SHANK2: variants seen among roughly 807,000 people sequenced by gnomAD.
The protein encoded by SHANK2 is SH3 and multiple ankyrin repeat domains protein 2.
SHANK2 carries 43 observed loss-of-function variants against 133.7 expected under a neutral mutation model. That is an observed-to-expected ratio of 0.32 (90% CI 0.25 to 0.41). The LOEUF is 0.41. Ranked by LOEUF, SHANK2 falls within the 10% of genes least tolerant of loss-of-function variation. The pLI, the probability that SHANK2 is intolerant of heterozygous loss-of-function variation, is 1.00. For missense variants in SHANK2, 1,994 were observed against 2,235.8 expected, an observed-to-expected ratio of 0.89 and a Z score of 2.18; for synonymous variants, 1,017 against 952.8, an observed-to-expected ratio of 1.07 and a Z score of -1.24.
At chr11:71,146,159 TTA>T (rs1952639205) in intron 3 of SHANK2, among the ~76,000 whole-genome samples, 1 of 152,186 alleles carries the variant, frequency 6.6e-6, no homozygotes, top group Non-Finnish European at 1.5e-5. Flanking sequence ...TTTGCAACCA[TTA>T]TGTCTGCTCC....
chr11:70,487,393 T>C lies in SHANK2; in HGVS notation c.2900A>G (p.Tyr967Cys), dbSNP rs62622853. 37,055 of 1,614,110 alleles carry C rather than the reference T, an allele frequency of 0.023. 481 individuals carry two copies. Among genetic ancestry groups the C allele is most frequent in the Non-Finnish European group, 0.027 (32,003 of 1,180,016 alleles). ...DRYSLDSEDLYSRNAGPQANF... is the reference protein window; with the variant it reads ...DRYSLDSEDLCSRNAGPQANF... The stretch of plus-strand genomic sequence containing the variant: ...GGCTTGCGGGCCGGCATTCCGACTG[T>C]AGAGGTCTTCAGAGTCCAAGGAGTA... The change falls in exon 25 of 26, where the codon TAC becomes TGC. Residue 967 changes from tyrosine to cysteine, a missense_variant. Transcript: ENST00000601538. This position sits in a 1 kb window ranked among gnomAD's most constrained non-coding sequence, Gnocchi z 5.8.
chr11:70,496,495 T>C (rs150000832), intron 21 of SHANK2, among the ~76,000 whole-genome samples: 3 of 152,280 alleles, frequency 2.0e-5, no homozygotes, highest in East Asian at 1.9e-4. Context: ...ATACACCTCA[T>C]GTAACTGTGT....
chr11:70,661,500 T>TACACACACACACAC (rs3837380), intron 16 of SHANK2, 96 bp downstream of exon 16: 6 of 1,063,878 alleles, frequency 5.6e-6, no homozygotes, highest in African/African-American at 5.5e-5. Context: ...TGCAGGCGTA[T>TACACACACACACAC]ACACACACAC....
rs1249130992 is a variant in SHANK2 at position 70,569,777 on chromosome 11, G to A, written c.2062-66846C>T. On this transcript the variant is annotated intron_variant, in intron 17 of 25. Transcript: ENST00000601538. This position sits in a 1 kb window ranked among gnomAD's most constrained non-coding sequence, Gnocchi z 5.1. ...GGAAGATGCTCTCCTGTCCCTGGGG[G>A]GCTGTGATGCTGGCAGATGTGTGAG... Among the ~76,000 whole-genome samples the A allele has an allele frequency of 2.0e-5, 3 of 152,136 alleles. No homozygotes were observed. Among genetic ancestry groups the A allele is most frequent in the Admixed American group, 2.0e-4 (3 of 15,282 alleles).
chr11:70,692,352 A>C (rs934497629), intron 15 of SHANK2, among the ~76,000 whole-genome samples: 1 of 152,206 alleles, frequency 6.6e-6, no homozygotes, highest in Non-Finnish European at 1.5e-5. Flanking sequence ...AGTACTAAAC[A>C]TATTTTCTCA....
chr11:70,731,850 A>C (rs186824939), intron 14 of SHANK2, among the ~76,000 whole-genome samples: 89 of 152,304 alleles, frequency 5.8e-4, no homozygotes, highest in African/African-American at 2.1e-3. Flanking sequence ...GGAACGGCTG[A>C]TGAGCAGCCC....
intron 2 of SHANK2, among the ~76,000 whole-genome samples, chr11:71,215,484 C>T (rs1954390956): frequency 6.6e-6 from 1 of 152,304 alleles, no homozygotes; most frequent in East Asian, 1.9e-4. Flanking sequence ...GATGGTGCCT[C>T]CTGCCAAGAC....
At chr11:71,071,424 C>T (rs1433538777) in intron 9 of SHANK2, among the ~76,000 whole-genome samples, 5 of 152,328 alleles carry the variant, frequency 3.3e-5, no homozygotes, top group Admixed American at 6.5e-5. Context: ...TGAAAGATGG[C>T]GGCTTATGCC....
At chr11:70,943,108 C>T in intron 10 of SHANK2, 1 of 456,562 alleles carries the variant, frequency 2.2e-6, no homozygotes, top group Non-Finnish European at 4.4e-6. Context: ...AGGAGTTCAC[C>T]TGGCAAAGGT....
At chr11:70,948,784 G>A (rs768845734) in intron 10 of SHANK2, among the ~76,000 whole-genome samples, 2 of 152,150 alleles carry the variant, frequency 1.3e-5, no homozygotes, top group Non-Finnish European at 2.9e-5. Flanking sequence ...GTGTGGCCAC[G>A]TTTCCTAATT....
At chr11:70,918,968 A>G (rs187078589) in intron 10 of SHANK2, among the ~76,000 whole-genome samples, 2 of 152,238 alleles carry the variant, frequency 1.3e-5, no homozygotes, top group African/African-American at 4.8e-5. Flanking sequence ...GTTTGAGACC[A>G]GGCTGGACAG....
chr11:70,770,523 G>A (rs994213880), intron 14 of SHANK2, among the ~76,000 whole-genome samples: 27 of 152,232 alleles, frequency 1.8e-4, no homozygotes, highest in African/African-American at 6.0e-4. Context: ...ATGAGCCGGG[G>A]TCACCATGTG....
At position 70,946,640 on chromosome 11, in the gene SHANK2, C is replaced by T. The variant is rs117012067; in HGVS notation, c.1108-50073G>A. On this transcript the variant is annotated intron_variant, in intron 10 of 25. Transcript: ENST00000601538. The stretch of plus-strand genomic sequence containing the variant: ...ACCCTTCCCCAGGCTCACCCTCCCT[C>T]TCTGCTAACCAACTCTTCCCCAGGG... Among the ~76,000 whole-genome samples the T allele has an allele frequency of 1.2e-4, 18 of 148,830 alleles. No homozygotes were observed. The East Asian group carries it at 3.8e-3, about 31-fold the overall frequency.
At position 70,473,072 on chromosome 11, in the gene SHANK2, C is replaced by T. The variant is rs1555149038; in HGVS notation, c.5347G>A (p.Val1783Ile). 1.2e-6 allele frequency: 2 copies of T among 1,614,094 alleles called. No individual in the cohort carries two copies. The highest frequency in any genetic ancestry group is 2.2e-5 in the East Asian group (1 of 44,894). Residue 1783 changes from valine to isoleucine, a missense_variant, in exon 26 of 26, where the codon GTC (valine) becomes ATC (isoleucine). Physicochemically the swap from Val to Ile is conservative, Grantham distance 29 (BLOSUM62 3). Transcript: ENST00000601538. The surrounding 1 kb of genome is among the most constrained non-coding windows in gnomAD (Gnocchi z 5.9). ...ACATCTGGTTTAGTCCACAGGTGGACAGGTTTAGTTGTAAAAGGCTTATTT... is the reference window on the plus strand; with the variant it reads ...ACATCTGGTTTAGTCCACAGGTGGATAGGTTTAGTTGTAAAAGGCTTATTT... ...ISNKPFTTKP[V>I]HLWTKPDVAD...
At chr11:70,644,549 C>T (rs964118804) in intron 17 of SHANK2, among the ~76,000 whole-genome samples, 18 of 152,348 alleles carry the variant, frequency 1.2e-4, no homozygotes, top group African/African-American at 2.4e-4. Context: ...AGGGGGCCCC[C>T]GGCCAAGGGC....
chr11:71,143,716 T>A (rs1375783621), intron 3 of SHANK2, among the ~76,000 whole-genome samples: 1 of 152,164 alleles, frequency 6.6e-6, no homozygotes, highest in African/African-American at 2.4e-5. Context: ...GGCTGTGAGT[T>A]CCATGTTAAC....
intron 2 of SHANK2, among the ~76,000 whole-genome samples, chr11:71,179,181 A>G (rs1023141379): frequency 6.6e-6 from 1 of 152,216 alleles, no homozygotes; most frequent in Admixed American, 6.5e-5. Flanking sequence ...AAAAGTCAAA[A>G]TAAAACAACA....
chr11:70,862,477 G>T (rs1329725045), intron 11 of SHANK2, among the ~76,000 whole-genome samples: 1 of 152,210 alleles, frequency 6.6e-6, no homozygotes, highest in African/African-American at 2.4e-5. Context: ...TTGGAGCCTG[G>T]ACTGGACTGG....
At chr11:70,745,085 T>TC (rs1555035689) in intron 14 of SHANK2, among the ~76,000 whole-genome samples, 1 of 152,164 alleles carries the variant, frequency 6.6e-6, no homozygotes, top group Non-Finnish European at 1.5e-5. Context: ...CAGGACCTCC[T>TC]CATCAAGGAT....
Sources: allele counts gnomAD v4.1 joint callset (sites outside exome capture counted in the v4.1 genomes callset), GRCh38; gene constraint gnomAD v4.1.1; non-coding constraint Gnocchi (gnomAD v3.1); transcripts MANE v1.5; gene names NCBI Gene and HGNC (gene_info 2026-07-23, HGNC 2026-07-21).